DPP10: variants seen among roughly 807,000 people sequenced by gnomAD.
DPP10 encodes dipeptidyl peptidase like 10.
DPP10 carries 33 observed loss-of-function variants against 120.9 expected under a neutral mutation model. The ratio of observed to expected loss-of-function variants is 0.27; its 90% CI spans 0.21 to 0.37. DPP10 has a LOEUF of 0.37. Ranked by LOEUF, DPP10 falls within the 10% of genes least tolerant of loss-of-function variation. DPP10 has a pLI of 1.00. For synonymous variants in DPP10, 337 were observed against 326.1 expected (o/e 1.03, Z -0.36); for missense variants, 816 against 942.8 (o/e 0.87, Z 1.76).
intron 5 of DPP10, among the ~76,000 whole-genome samples, chr2:115,587,939 T>C (rs531849147): frequency 6.6e-6 from 1 of 152,308 alleles, no homozygotes; most frequent in East Asian, 1.9e-4. Flanking sequence ...CAAGTAACAA[T>C]TATTACAATT....
At chr2:115,120,465 C>G (rs2049765855) in intron 1 of DPP10, among the ~76,000 whole-genome samples, 1 of 152,064 alleles carries the variant, frequency 6.6e-6, no homozygotes, top group South Asian at 2.1e-4. Context: ...GACAAGGAGC[C>G]TTCTATATTT....
chr2:114,762,304 A>C (rs1367897184), intron 1 of DPP10, among the ~76,000 whole-genome samples: 2 of 152,190 alleles, frequency 1.3e-5, no homozygotes, highest in Non-Finnish European at 2.9e-5. Context: ...TCTAATTGCT[A>C]TGCAGTCCTA....
chr2:114,583,570 T>G (rs1301644465), intron 1 of DPP10, among the ~76,000 whole-genome samples: 2 of 152,240 alleles, frequency 1.3e-5, no homozygotes, highest in Non-Finnish European at 2.9e-5. Flanking sequence ...TCTGCCTCTT[T>G]CTAAAATTTT....
intron 1 of DPP10, among the ~76,000 whole-genome samples, chr2:115,308,117 G>A (rs886495058): frequency 1.3e-5 from 2 of 151,940 alleles, no homozygotes; most frequent in Non-Finnish European, 2.9e-5. Context: ...CCGGGTTTAT[G>A]GCACAATTCA....
At chr2:115,190,570 C>A (rs755790036) in intron 1 of DPP10, among the ~76,000 whole-genome samples, 1 of 152,150 alleles carries the variant, frequency 6.6e-6, no homozygotes, top group Non-Finnish European at 1.5e-5. Context: ...GCTTTTCCCC[C>A]GGCGGTGAAA....
intron 1 of DPP10, among the ~76,000 whole-genome samples, chr2:114,447,290 C>T (rs979137063): frequency 5.3e-5 from 8 of 152,048 alleles, no homozygotes; most frequent in Non-Finnish European, 8.8e-5. Flanking sequence ...CCACCGCGCC[C>T]GGCCCACTTG....
At chr2:115,068,083 C>T (rs1194904041) in intron 1 of DPP10, among the ~76,000 whole-genome samples, 1 of 151,788 alleles carries the variant, frequency 6.6e-6, no homozygotes, top group East Asian at 1.9e-4. Context: ...TGAATGTATA[C>T]ACAATATTGG....
rs1335230059 is a variant in DPP10, at chr2:115,014,078, G to C, written c.61-295161G>C. Among the ~76,000 whole-genome samples the C allele has an allele frequency of 2.0e-5, 3 of 152,090 alleles. No homozygotes were observed. The South Asian group carries it at 6.2e-4, about 32-fold the overall frequency. On this transcript the variant is annotated intron_variant, in intron 1 of 25. Transcript: ENST00000410059. ...ACCACATCACACCTATTCTAAAATT[G>C]ACCACATAATTGGAAGTAAAACATT...
chr2:115,209,708 T>A (rs1458954860), intron 1 of DPP10, among the ~76,000 whole-genome samples: 1 of 152,028 alleles, frequency 6.6e-6, no homozygotes, highest in Non-Finnish European at 1.5e-5. Flanking sequence ...GAAAAAAAAA[T>A]ATTTAACTCG....
chr2:115,075,740 T>A lies in DPP10; in HGVS notation c.61-233499T>A, dbSNP rs61470170. Among the ~76,000 whole-genome samples the A allele has an allele frequency of 7.6e-3, 1,161 of 152,122 alleles. 10 individuals carry two copies. The highest frequency in any genetic ancestry group is 0.027 in the African/African-American group (1,111 of 41,476). Reference sequence around the variant, plus strand: ...TTTTTTAATGTTAGGCAACTCCTTTTATTCCATAATGAGAAAACACCTGCT... The same window carrying A: ...TTTTTTAATGTTAGGCAACTCCTTTAATTCCATAATGAGAAAACACCTGCT... On this transcript the variant is annotated intron_variant, in intron 1 of 25. Transcript: ENST00000410059.
intron 11 of DPP10, among the ~76,000 whole-genome samples, chr2:115,760,438 G>A (rs942069143): frequency 6.6e-6 from 1 of 152,182 alleles, no homozygotes; most frequent in African/African-American, 2.4e-5. Flanking sequence ...GGAGGAGCAT[G>A]AGTTAATGTT....
chr2:115,546,899 C>A (rs1360025022), intron 5 of DPP10, among the ~76,000 whole-genome samples: 1 of 152,110 alleles, frequency 6.6e-6, no homozygotes, highest in Non-Finnish European at 1.5e-5. Flanking sequence ...AATTGCTGCT[C>A]TATCACATAT....
intron 3 of DPP10, among the ~76,000 whole-genome samples, chr2:115,433,471 A>G (rs1025740544): frequency 5.9e-5 from 9 of 151,996 alleles, no homozygotes; most frequent in Non-Finnish European, 1.0e-4. Context: ...GTGTGTGCAT[A>G]TACATATAAA....
At chr2:115,540,884 G>C (rs950601237) in intron 5 of DPP10, among the ~76,000 whole-genome samples, 2 of 151,766 alleles carry the variant, frequency 1.3e-5, no homozygotes, top group Admixed American at 6.6e-5. Flanking sequence ...CATTCTGAGG[G>C]AGAGCATTTT....
intron 1 of DPP10, among the ~76,000 whole-genome samples, chr2:114,888,003 C>T (rs1295031756): frequency 6.6e-6 from 1 of 151,734 alleles, no homozygotes; most frequent in Non-Finnish European, 1.5e-5. Flanking sequence ...ATTAGCTGGG[C>T]GTGGTGGTGG....
intron 7 of DPP10, among the ~76,000 whole-genome samples, chr2:115,713,721 T>C (rs771175768): frequency 2.6e-5 from 4 of 152,216 alleles, no homozygotes; most frequent in Non-Finnish European, 5.9e-5. Flanking sequence ...CTGGGTGTAC[T>C]TCCTCAATTC....
intron 2 of DPP10, among the ~76,000 whole-genome samples, chr2:115,318,948 T>C (rs2061929763): frequency 6.6e-6 from 1 of 152,150 alleles, no homozygotes; most frequent in African/African-American, 2.4e-5. Flanking sequence ...TCCAGTACAA[T>C]GCTGGATAAC....
chr2:115,581,401 G>A (rs1252034598), intron 5 of DPP10, among the ~76,000 whole-genome samples: 1 of 152,074 alleles, frequency 6.6e-6, no homozygotes, highest in Non-Finnish European at 1.5e-5. Flanking sequence ...TGAGGAATTG[G>A]AAGCCCTTTT....
At chr2:115,806,465 A>G (rs760079652) in intron 19 of DPP10, among the ~76,000 whole-genome samples, 2 of 152,204 alleles carry the variant, frequency 1.3e-5, no homozygotes, top group Non-Finnish European at 1.5e-5. Context: ...AAAATTCCCT[A>G]TGTTTATATA....
Sources: gnomAD v4.1 joint callset for allele counts (sites outside exome capture counted in the v4.1 genomes callset) on GRCh38, gnomAD v4.1.1 for gene constraint, MANE v1.5 for transcripts, NCBI Gene and HGNC (gene_info 2026-07-23, HGNC 2026-07-21) for gene names.